Variants in NUP188 observed in about 807,000 individuals in gnomAD.
The protein encoded by NUP188 is nucleoporin 188, also known as nucleoporin NUP188.
In NUP188, 97 loss-of-function variants were observed where a neutral mutation model predicts 223.0. That is an observed-to-expected ratio of 0.43 (90% CI 0.37 to 0.51). The LOEUF (loss-of-function observed/expected upper bound fraction) is 0.51. NUP188 is among the 20% of genes least tolerant of loss of function. NUP188 has a pLI of 0.00. For synonymous variants in NUP188, 869 were observed against 828.0 expected (o/e 1.05, Z -0.85); for missense variants, 1,947 against 2,175.6 (o/e 0.89, Z 2.09).
At chr9:128,960,059 CTTTTT>C (rs956759518) in intron 8 of NUP188, among the ~76,000 whole-genome samples, 2 of 103,790 alleles carry the variant, frequency 1.9e-5, no homozygotes, top group African/African-American at 8.0e-5. Flanking sequence ...TTATTTTATT[CTTTTT>C]TTTTTTTTTT....
chr9:128,947,710 G>GCGCGCGAAGATGGCGGCGGC lies in NUP188; in HGVS notation c.-6_14dup, dbSNP rs1262311428. 6.8e-7 allele frequency: 1 copy of GCGCGCGAAGATGGCGGCGGC among 1,470,840 alleles called. No individual in the cohort carries two copies. 91.1% of individuals were successfully genotyped at this position (1,470,840 alleles called of 1,614,324 possible). ...CTGGGGGCGGGGTTAGGGCGAGCGG[G>GCGCGCGAAGATGGCGGCGGC]CGCGCGAAGATGGCGGCGGCCGCCG... On this transcript the variant is annotated 5_prime_UTR_variant, in exon 1 of 44. It adds an upstream start codon to the 5' untranslated region. Transcript: ENST00000372577.
In NUP188 at chr9:128,958,784, G is replaced by C. The variant is rs1408522190; in HGVS notation, c.373-18G>C. 1 of 1,482,384 alleles carries C rather than the reference G, an allele frequency of 6.7e-7. No homozygotes were observed. The allele number at this position is 1,482,384 out of a possible 1,614,324, so 91.8% of individuals were successfully genotyped here. ...TGTGCAAAGGTGAGTAACTGATTTT[G>C]AATTTTGGGTTCCTCAGATTGCAGA... On this transcript the variant is annotated intron_variant, in intron 6 of 43. Coordinates refer to ENST00000372577, the MANE Select transcript of NUP188 (RefSeq NM_015354.3).
At chr9:128,959,158 G>A in intron 8 of NUP188, 24 bp downstream of exon 8, 2 of 1,541,088 alleles carry the variant, frequency 1.3e-6, no homozygotes, top group Non-Finnish European at 1.7e-6. Context: ...GTGCTCTCCT[G>A]TAACTTTTTT....
chr9:128,993,249 G>A lies in NUP188; in HGVS notation c.2693G>A (p.Arg898His), dbSNP rs746583453. Residue 898 changes from arginine to histidine, a missense_variant, in exon 26 of 44, where the codon CGT (arginine) becomes CAT (histidine). Arg to His is a conservative substitution (Grantham distance 29). This residue lies in a region of NUP188 where 225 missense variants were observed against 319.1 expected (regional missense o/e 0.71). Coordinates refer to ENST00000372577, the MANE Select transcript of NUP188 (RefSeq NM_015354.3). ...CTGGGCAATGATGCGGCTGCCATTCGTGATGCCTTCCTGACCCGATTGCAG... is the reference window on the plus strand; with the variant it reads ...CTGGGCAATGATGCGGCTGCCATTCATGATGCCTTCCTGACCCGATTGCAG... Reference protein sequence around the residue: ...ACLGNDAAAIRDAFLTRLQSK... With the variant: ...ACLGNDAAAIHDAFLTRLQSK... The A allele has an allele frequency of 6.2e-7, 1 of 1,614,194 alleles. No homozygotes were observed. The highest frequency in any genetic ancestry group is 8.5e-7 in the Non-Finnish European group (1 of 1,180,038).
At chr9:128,974,455 G>A (rs551042532) in intron 12 of NUP188, among the ~76,000 whole-genome samples, 14 of 145,804 alleles carry the variant, frequency 9.6e-5, no homozygotes, top group Non-Finnish European at 1.8e-4. Context: ...TGAACTCCTG[G>A]GCTTAAGCTG....
chr9:128,950,178 C>T (rs1841761849), intron 2 of NUP188, among the ~76,000 whole-genome samples: 1 of 152,102 alleles, frequency 6.6e-6, no homozygotes, highest in African/African-American at 2.4e-5. Flanking sequence ...CTGCCTCAGC[C>T]TCCCAAAGTG....
chr9:129,005,505 A>T lies in NUP188; in HGVS notation c.4712A>T (p.Asp1571Val). 3.1e-6 allele frequency: 5 copies of T among 1,606,542 alleles called. No individual in the cohort carries two copies. Among genetic ancestry groups the T allele is most frequent in the Non-Finnish European group, 4.2e-6 (5 of 1,179,964 alleles). ...GCAGCCCTGCGCCACTTCACCCCAG[A>T]TGTCTGCCAGATTCTGCTGGATCAG... ...TLAALRHFTP[D>V]VCQILLDQSL... Residue 1571 changes from aspartate to valine, a missense_variant, in exon 40 of 44, where the codon GAT becomes GTT. Asp to Val is a radical substitution (Grantham distance 152). Transcript: ENST00000372577.
Position 128,982,721 on chromosome 9 carries a change from A to G in NUP188, c.1669+20A>G, listed in dbSNP as rs1415139546. 7.4e-6 allele frequency: 12 copies of G among 1,612,460 alleles called. No homozygotes were observed. In the South Asian group the frequency reaches 9.9e-5, roughly 13 times the overall value. On this transcript the variant is annotated intron_variant, in intron 16 of 43. Transcript: ENST00000372577. ...CTGCAGGTAAGGTCAGCTTTCGGAA[A>G]CATCACCTACGAGGAGGAAAAGTGG... is the stretch of plus-strand genomic sequence containing the variant.
chr9:129,006,073 C>A lies in NUP188; in HGVS notation c.4893C>A (p.Leu1631=). Residue 1631 remains leucine (L), a synonymous_variant, in exon 42 of 44, where the codon CTC becomes CTA. Coordinates refer to ENST00000372577, the MANE Select transcript of NUP188 (RefSeq NM_015354.3). Reference sequence around the variant, plus strand: ...AGCTGGACAAGAAAAAGGAGCCCCTCACCCAGGCAGTGGGGCTCAGCACAC... The same window carrying A: ...AGCTGGACAAGAAAAAGGAGCCCCTAACCCAGGCAGTGGGGCTCAGCACAC... ...LGELDKKKEP[L]TQAVGLSTQA... is the part of the protein sequence containing the mutation. 1 of 1,614,168 alleles carries A rather than the reference C, an allele frequency of 6.2e-7. No individual in the cohort carries two copies. The highest frequency in any genetic ancestry group is 8.5e-7 in the Non-Finnish European group (1 of 1,180,028).
chr9:128,952,024 C>A (rs995341909), intron 2 of NUP188, among the ~76,000 whole-genome samples: 9 of 152,100 alleles, frequency 5.9e-5, no homozygotes, highest in Non-Finnish European at 8.8e-5. Context: ...AACTCCCAAC[C>A]CTAGGGGATC....
intron 12 of NUP188, among the ~76,000 whole-genome samples, chr9:128,978,690 A>G (rs969699204): frequency 6.6e-6 from 1 of 151,806 alleles, no homozygotes; most frequent in Non-Finnish European, 1.5e-5. Context: ...CAACCAACCC[A>G]TCCACCCTTA....
chr9:129,001,696 G>T lies in NUP188; in HGVS notation c.4011G>T (p.Leu1337Phe). 1.2e-6 allele frequency: 2 copies of T among 1,613,924 alleles called. No individual in the cohort carries two copies. Among genetic ancestry groups the T allele is most frequent in the Non-Finnish European group, 1.7e-6 (2 of 1,179,964 alleles). ...KQNLHFTEAT[L>F]HLLLTLARTQ... Reference sequence around the variant, plus strand: ...ACCTGCATTTCACTGAGGCCACATTGCATCTGCTCCTCACCCTGGCTCGCA... The same window carrying T: ...ACCTGCATTTCACTGAGGCCACATTTCATCTGCTCCTCACCCTGGCTCGCA... The change falls in exon 35 of 44, where the codon TTG becomes TTT. Residue 1337 changes from leucine to phenylalanine, a missense_variant. Around this residue, in one of 3 missense-constraint regions of NUP188, gnomAD observed 905 missense variants for 990.6 expected, o/e 0.91. Transcript: ENST00000372577.
At chr9:128,949,074 C>A in intron 1 of NUP188, 115 bp from the exon 2 acceptor site, 1 of 675,674 alleles carries the variant, frequency 1.5e-6, no homozygotes, top group Non-Finnish European at 2.6e-6. Context: ...TTTAACAAAT[C>A]GTTTTGTATA....
Position 128,956,427 on chromosome 9 carries a change from A to C in NUP188, c.239A>C (p.Lys80Thr). 2 of 1,568,190 alleles carry C rather than the reference A, an allele frequency of 1.3e-6. No individual in the cohort carries two copies. Among genetic ancestry groups the C allele is most frequent in the Non-Finnish European group, 1.7e-6 (2 of 1,157,358 alleles). Reference sequence around the variant, plus strand: ...AAGGAACTGGGTTTAAGAATCAGCAAGTTTTTGGTGAGTAAAAATTAGCAC... The same window carrying C: ...AAGGAACTGGGTTTAAGAATCAGCACGTTTTTGGTGAGTAAAAATTAGCAC... ...PLKELGLRISKFLGLDEEQSV... is the reference protein window; with the variant it reads ...PLKELGLRISTFLGLDEEQSV... The change falls in exon 4 of 44, where the codon AAG becomes ACG. Residue 80 changes from lysine to threonine, a missense_variant. This residue lies in a region of NUP188 where 817 missense variants were observed against 865.8 expected (regional missense o/e 0.94). Coordinates refer to ENST00000372577, the MANE Select transcript of NUP188 (RefSeq NM_015354.3).
At chr9:128,988,222 AT>A in intron 24 of NUP188, 36 bp downstream of exon 24, 1 of 1,608,674 alleles carries the variant, frequency 6.2e-7, no homozygotes. Flanking sequence ...CATGGTATGT[AT>A]TTCTCTTCCA....
chr9:129,005,715 T>C lies in NUP188; in HGVS notation c.4808T>C (p.Val1603Ala), dbSNP rs754265790. 6.8e-6 allele frequency: 11 copies of C among 1,614,120 alleles called. No homozygotes were observed. The highest frequency in any genetic ancestry group is 6.7e-5 in the East Asian group (3 of 44,876). The change falls in exon 41 of 44, where the codon GTG becomes GCG. Residue 1603 changes from valine (V) to alanine (A), a missense_variant. Transcript: ENST00000372577. The stretch of plus-strand genomic sequence containing the variant: ...ACCACTCCCACCTTTGACTCCGAAG[T>C]GGCCCCCTCCTTCGGGACCCTTCTG... ...SFTTPTFDSE[V>A]APSFGTLLAT...
Position 128,986,798 on chromosome 9 carries a change from C to T in NUP188, c.2198-11C>T, listed in dbSNP as rs1375166970. 1.2e-6 allele frequency: 2 copies of T among 1,613,988 alleles called. No individual in the cohort carries two copies. Among genetic ancestry groups the T allele is most frequent in the African/African-American group, 1.3e-5 (1 of 74,902 alleles). On this transcript the variant is annotated splice_polypyrimidine_tract_variant and intron_variant, in intron 21 of 43. Coordinates refer to ENST00000372577, the MANE Select transcript of NUP188 (RefSeq NM_015354.3). ...AGGCCACATCATTCCTCTGTCTTTT[C>T]TGGAGTCCAGGTTGCCTGATCTTGG...
In NUP188 at chr9:129,002,896, A is replaced by G. The variant is rs929735113; in HGVS notation, c.4217A>G (p.Gln1406Arg). Residue 1406 changes from glutamine to arginine, a missense_variant, in exon 37 of 44, where the codon CAG (glutamine) becomes CGG (arginine). Gln to Arg is a conservative substitution (Grantham distance 43, BLOSUM62 1). Coordinates refer to ENST00000372577, the MANE Select transcript of NUP188 (RefSeq NM_015354.3). ...VYRLSMSLME[Q>R]LLKTLRYNFL... ...CGCCTGTCCATGTCCCTGATGGAGC[A>G]GCTGCTCAAAACTCTGCGCTACAAC... The G allele has an allele frequency of 6.2e-7, 1 of 1,614,194 alleles. No individual in the cohort carries two copies. The highest frequency in any genetic ancestry group is 8.5e-7 in the Non-Finnish European group (1 of 1,180,030).
chr9:128,988,786 G>A (rs959203067), intron 24 of NUP188, among the ~76,000 whole-genome samples: 1 of 142,088 alleles, frequency 7.0e-6, no homozygotes, highest in African/African-American at 2.6e-5. Flanking sequence ...GAGTGCAGTG[G>A]CGCAATCTCG....
Sources: allele counts gnomAD v4.1 joint callset (sites outside exome capture counted in the v4.1 genomes callset), GRCh38; gene constraint gnomAD v4.1.1; regional missense constraint gnomAD v4.1.1; transcripts MANE v1.5; gene names NCBI Gene and HGNC (gene_info 2026-07-23, HGNC 2026-07-21).